DLG2: variants seen among roughly 807,000 people sequenced by gnomAD.
DLG2 encodes the protein discs large MAGUK scaffold protein 2.
DLG2 carries 45 observed loss-of-function variants against 132.5 expected under a neutral mutation model. The observed-to-expected ratio is 0.34, with a 90% CI of 0.27 to 0.44. The LOEUF is 0.44. Ranked by LOEUF, DLG2 falls within the 20% of genes least tolerant of loss-of-function variation. The probability of loss-of-function intolerance (pLI) is 1.00; values close to 1 mark genes in which losing one functional copy is unlikely to be tolerated. For synonymous variants in DLG2, 424 were observed against 419.6 expected (o/e 1.01, Z -0.13); for missense variants, 1,045 against 1,196.9 (o/e 0.87, Z 1.87).
At chr11:85,007,457 G>C (rs1256533223) in intron 6 of DLG2, among the ~76,000 whole-genome samples, 1 of 151,612 alleles carries the variant, frequency 6.6e-6, no homozygotes, top group African/African-American at 2.4e-5. Flanking sequence ...TCAGGAGATC[G>C]AGACCATCCT....
rs559797714 is a variant in DLG2 at position 83,483,541 on chromosome 11, A to AG, written c.2293+587_2293+588insC. On this transcript the variant is annotated intron_variant, in intron 22 of 27. Transcript: ENST00000376104. The stretch of plus-strand genomic sequence containing the variant: ...TTAAACAAAAGATTGTAAGAAAAAA[A>AG]AATTCAGCAAATGCCAATTTTTTGA... 8.6e-4 allele frequency among the ~76,000 whole-genome samples: 131 copies of AG among 152,278 alleles called. 1 individual carries two copies. Among genetic ancestry groups the AG allele is most frequent in the African/African-American group, 3.0e-3 (123 of 41,568 alleles).
intron 3 of DLG2, among the ~76,000 whole-genome samples, chr11:85,325,470 C>A (rs1468659640): frequency 5.1e-5 from 7 of 137,162 alleles, no homozygotes; most frequent in Non-Finnish European, 1.1e-4. Context: ...GACCCCTGAC[C>A]CCCGAGCAGC....
At chr11:84,248,001 G>A (rs914259216) in intron 8 of DLG2, among the ~76,000 whole-genome samples, 5 of 152,072 alleles carry the variant, frequency 3.3e-5, no homozygotes, top group African/African-American at 4.8e-5. Context: ...CTCTGAAATC[G>A]TTTTTTCATT....
rs139423887 is a variant in DLG2 at position 84,228,934 on chromosome 11, C to T, written c.573+22304G>A. On this transcript the variant is annotated intron_variant, in intron 8 of 27. Transcript: ENST00000376104. ...ATTCTGGGCCTCAGCTTTCTCATTC[C>T]TTGAATGAGGTCCACAATCATATCT... Among the ~76,000 whole-genome samples the T allele has an allele frequency of 4.5e-3, 686 of 152,206 alleles. 5 individuals carry two copies. The highest frequency in any genetic ancestry group is 8.1e-3 in the Non-Finnish European group (548 of 68,016).
chr11:83,467,672 C>A (rs1293447061), intron 25 of DLG2, among the ~76,000 whole-genome samples: 1 of 150,838 alleles, frequency 6.6e-6, no homozygotes, highest in South Asian at 2.1e-4. Flanking sequence ...ATCACTTGAA[C>A]CCAGGAGGTG....
chr11:84,128,530 A>G (rs1295773216), intron 9 of DLG2, among the ~76,000 whole-genome samples: 2 of 152,130 alleles, frequency 1.3e-5, no homozygotes, highest in East Asian at 1.9e-4. Flanking sequence ...TCTTCCTTCT[A>G]GAAATGTGAA....
chr11:84,871,922 A>T (rs950178108), intron 6 of DLG2, among the ~76,000 whole-genome samples: 3 of 152,028 alleles, frequency 2.0e-5, no homozygotes, highest in African/African-American at 7.2e-5. Context: ...TGATCCGCCT[A>T]CCTCTGCCTC....
intron 17 of DLG2, among the ~76,000 whole-genome samples, chr11:83,809,179 T>C (rs575719808): frequency 2.7e-4 from 41 of 152,306 alleles, no homozygotes; most frequent in African/African-American, 8.9e-4. Context: ...TGATGTGCTG[T>C]GAAAGTCTCA....
At chr11:85,381,158 C>T (rs1031665070) in intron 3 of DLG2, among the ~76,000 whole-genome samples, 3 of 152,186 alleles carry the variant, frequency 2.0e-5, no homozygotes, top group Non-Finnish European at 4.4e-5. Flanking sequence ...CAGCCATGCA[C>T]TTAAAGTATG....
chr11:83,585,545 TAATA>T (rs1172847232), intron 19 of DLG2, among the ~76,000 whole-genome samples: 19 of 152,260 alleles, frequency 1.2e-4, no homozygotes, highest in African/African-American at 4.3e-4. Flanking sequence ...TCATTTCATT[TAATA>T]ATCATCTCTT....
intron 6 of DLG2, among the ~76,000 whole-genome samples, chr11:84,856,930 A>G (rs1007904594): frequency 7.9e-5 from 12 of 152,060 alleles, no homozygotes; most frequent in African/African-American, 2.9e-4. Context: ...TTATTGAGGA[A>G]GTAAAAGAAC....
chr11:84,698,739 T>G (rs2058879761), intron 6 of DLG2, among the ~76,000 whole-genome samples: 1 of 151,554 alleles, frequency 6.6e-6, no homozygotes, highest in Non-Finnish European at 1.5e-5. Flanking sequence ...ATACATTGCT[T>G]TAAAGATGAA....
At chr11:84,059,508 G>A in intron 10 of DLG2, 24 bp from the exon 11 acceptor site, 1 of 1,524,854 alleles carries the variant, frequency 6.6e-7, no homozygotes. Flanking sequence ...AAAGAGTCAA[G>A]ATTCAGAAGT....
chr11:85,213,638 A>C (rs146513378), intron 4 of DLG2, among the ~76,000 whole-genome samples: 525 of 152,194 alleles, frequency 3.4e-3, no homozygotes, highest in Admixed American at 5.5e-3. Flanking sequence ...TTATCAGCCT[A>C]AGTTCTCTGT....
At chr11:83,801,662 T>C (rs2044418186) in intron 17 of DLG2, among the ~76,000 whole-genome samples, 1 of 152,180 alleles carries the variant, frequency 6.6e-6, no homozygotes. Flanking sequence ...AGCTCTTTGC[T>C]GACAATCACA....
chr11:85,597,984 T>A (rs909509561), intron 3 of DLG2, among the ~76,000 whole-genome samples: 1 of 150,368 alleles, frequency 6.7e-6, no homozygotes, highest in Non-Finnish European at 1.5e-5. Context: ...TAAAAGCTAT[T>A]TGCACAAATA....
intron 3 of DLG2, among the ~76,000 whole-genome samples, chr11:85,507,337 A>T (rs2093958719): frequency 6.6e-6 from 1 of 152,182 alleles, no homozygotes; most frequent in Non-Finnish European, 1.5e-5. Flanking sequence ...ATGTTTTTGC[A>T]GTGGCTGGTA....
intron 17 of DLG2, chr11:83,814,716 T>A (rs746318501): frequency 2.4e-5 from 4 of 164,966 alleles, no homozygotes; most frequent in Non-Finnish European, 5.4e-5. Flanking sequence ...GTATAACCTT[T>A]CATTTTCATA....
chr11:84,058,504 T>TAAAATA (rs372631929), intron 11 of DLG2, among the ~76,000 whole-genome samples: 15,791 of 122,756 alleles, frequency 0.13, 1,111 homozygotes, highest in Admixed American at 0.16. Context: ...AAAAAACAAA[T>TAAAATA]ACAATAATAA....
Sources: allele counts gnomAD v4.1 joint callset (sites outside exome capture counted in the v4.1 genomes callset), GRCh38; gene constraint gnomAD v4.1.1; transcripts MANE v1.5; gene names NCBI Gene and HGNC (gene_info 2026-07-23, HGNC 2026-07-21).